Variants in LHX4 observed in about 807,000 individuals in gnomAD.
The protein encoded by LHX4 is LIM homeobox 4, also known as LIM/homeobox protein Lhx4.
A neutral mutation model predicts 39.2 loss-of-function variants in LHX4; 16 were observed. The ratio of observed to expected loss-of-function variants is 0.41; its 90% CI spans 0.28 to 0.62. LHX4 has a LOEUF of 0.62. Ranked by LOEUF, LHX4 falls within the 20% of genes least tolerant of loss-of-function variation. The pLI, the probability that LHX4 is intolerant of heterozygous loss-of-function variation, is 0.33. For missense variants in LHX4, 439 were observed against 511.9 expected, an observed-to-expected ratio of 0.86 and a Z score of 1.37; for synonymous variants, 206 against 198.1, an observed-to-expected ratio of 1.04 and a Z score of -0.33.
At chr1:180,248,492 G>A (rs1228106682) in intron 2 of LHX4, 36 bp downstream of exon 2, 1 of 1,610,464 alleles carries the variant, frequency 6.2e-7, no homozygotes, top group Non-Finnish European at 8.5e-7. Flanking sequence ...GCCCTGGCCT[G>A]TCTCTGCCTC....
At chr1:180,249,854 T>C (rs1190082958) in intron 2 of LHX4, among the ~76,000 whole-genome samples, 1 of 150,400 alleles carries the variant, frequency 6.6e-6, no homozygotes, top group Non-Finnish European at 1.5e-5. Context: ...TGCTCAGATA[T>C]GTGCTGCTCC....
At position 180,266,692 on chromosome 1, in the gene LHX4, C is replaced by A; in HGVS notation, c.451+98C>A. The A allele has an allele frequency of 6.9e-6, 8 of 1,161,280 alleles. No homozygotes were observed. The highest frequency in any genetic ancestry group is 8.8e-6 in the Non-Finnish European group (7 of 797,226). 71.9% of individuals were successfully genotyped at this position (1,161,280 alleles called of 1,614,324 possible). ...TTCTCATGGCGTCCCACCTGCCCAT[C>A]CCTCAGAGCCCTACTCATGCACCGC... On this transcript the variant is annotated intron_variant, in intron 3 of 5. Transcript: ENST00000263726. This position sits in a 1 kb window ranked among gnomAD's most constrained non-coding sequence, Gnocchi z 5.7.
At chr1:180,231,606 T>C (rs1664183736) in intron 1 of LHX4, among the ~76,000 whole-genome samples, 1 of 142,160 alleles carries the variant, frequency 7.0e-6, no homozygotes, top group Non-Finnish European at 1.5e-5. Flanking sequence ...CCTGCCCCTG[T>C]GGCTTGCACG....
chr1:180,276,573 G>T lies in LHX4; in HGVS notation c.*1994G>T, dbSNP rs1457634428. The T allele has an allele frequency of 6.6e-6, 1 of 152,210 alleles. No individual in the cohort carries two copies. Among genetic ancestry groups the T allele is most frequent in the African/African-American group, 2.4e-5 (1 of 41,448 alleles). 9.4% of individuals were successfully genotyped at this position (152,210 alleles called of 1,614,324 possible). On this transcript the variant is annotated 3_prime_UTR_variant, in exon 6 of 6. Coordinates refer to ENST00000263726, the MANE Select transcript of LHX4 (RefSeq NM_033343.4). ...GGAATTCTCCAATCATGAACACTGGGGTGGGGAGGAAGACACAAATGCCAT... is the reference window on the plus strand; with the variant it reads ...GGAATTCTCCAATCATGAACACTGGTGTGGGGAGGAAGACACAAATGCCAT...
At chr1:180,273,862 C>T in intron 5 of LHX4, 1 of 372,282 alleles carries the variant, frequency 2.7e-6, no homozygotes. Flanking sequence ...TCTGACCCAC[C>T]CAGCCTTAGG....
intron 3 of LHX4, among the ~76,000 whole-genome samples, chr1:180,268,128 G>C (rs1648407281): frequency 6.6e-6 from 1 of 152,202 alleles, no homozygotes; most frequent in Non-Finnish European, 1.5e-5. Flanking sequence ...CTATTGCCTT[G>C]AAGTCAATTG....
At chr1:180,259,782 GGGAA>G (rs1301738768) in intron 2 of LHX4, among the ~76,000 whole-genome samples, 2 of 151,686 alleles carry the variant, frequency 1.3e-5, no homozygotes. Context: ...TAAGGAAGGA[GGGAA>G]GCGAGGGACA....
chr1:180,242,717 A>C (rs1664470421), intron 1 of LHX4, among the ~76,000 whole-genome samples: 1 of 152,112 alleles, frequency 6.6e-6, no homozygotes, highest in Admixed American at 6.5e-5. Context: ...CAGGGACATT[A>C]CTTTTTTGTT....
At chr1:180,255,115 C>G (rs1571271183) in intron 2 of LHX4, among the ~76,000 whole-genome samples, 2 of 152,256 alleles carry the variant, frequency 1.3e-5, no homozygotes, top group African/African-American at 4.8e-5. Context: ...TCGCTCGCAT[C>G]AAAGAGCGGG....
chr1:180,264,395 AC>A (rs1648230228), intron 2 of LHX4, among the ~76,000 whole-genome samples: 1 of 151,596 alleles, frequency 6.6e-6, no homozygotes, highest in African/African-American at 2.4e-5. Context: ...ACACACACAC[AC>A]ACACACACAC....
chr1:180,240,895 G>A (rs1390801102), intron 1 of LHX4, among the ~76,000 whole-genome samples: 1 of 152,234 alleles, frequency 6.6e-6, no homozygotes, highest in African/African-American at 2.4e-5. Context: ...GGTGCTTTGA[G>A]GGCTGGCTAT....
intron 2 of LHX4, among the ~76,000 whole-genome samples, chr1:180,251,075 G>A (rs550141184): frequency 1.8e-4 from 28 of 152,220 alleles, no homozygotes; most frequent in African/African-American, 6.5e-4. Context: ...CTTCCCACCC[G>A]GTGAGTCTTC....
At chr1:180,229,964 AG>A (rs370353766), upstream of LHX4, among the ~76,000 whole-genome samples, 39,935 of 74,792 alleles carry the variant, frequency 0.53, 10,258 homozygotes, top group Middle Eastern at 0.68. Flanking sequence ...GGAGGCGGGG[AG>A]GGGGGGGGGG....
In LHX4 at chr1:180,266,627, C is replaced by CA. The variant is rs975009683; in HGVS notation, c.451+34dup. On this transcript the variant is annotated intron_variant, in intron 3 of 5. Transcript: ENST00000263726. The surrounding 1 kb of genome is among the most constrained non-coding windows in gnomAD (Gnocchi z 5.7). ...GCATGGCCCCGCATGGTCCCCTCTC[C>CA]AGGCCTTTGTTTGGGCCACGCCCTC... 2.5e-6 allele frequency: 4 copies of CA among 1,604,956 alleles called. No homozygotes were observed. The Admixed American group carries it at 5.1e-5, about 20-fold the overall frequency.
intron 3 of LHX4, 108 bp from the exon 4 acceptor site, chr1:180,271,272 C>A (rs1266870066): frequency 3.1e-6 from 4 of 1,279,178 alleles, no homozygotes; most frequent in Non-Finnish European, 4.6e-6. Flanking sequence ...CGCTGTCCTG[C>A]CTACAGCAGG....
chr1:180,263,388 C>A (rs1284960590), intron 2 of LHX4, among the ~76,000 whole-genome samples: 1 of 152,142 alleles, frequency 6.6e-6, no homozygotes, highest in African/African-American at 2.4e-5. Flanking sequence ...ACAGACACAC[C>A]CCTGTAGGAT....
At chr1:180,255,337 TGCACACATGC>T (rs1288787147) in intron 2 of LHX4, among the ~76,000 whole-genome samples, 3 of 152,080 alleles carry the variant, frequency 2.0e-5, no homozygotes, top group African/African-American at 4.8e-5. Flanking sequence ...CACACACACA[TGCACACATGC>T]ACACACATGT....
At chr1:180,270,887 GC>G in intron 3 of LHX4, 1 of 208,934 alleles carries the variant, frequency 4.8e-6, no homozygotes, top group Non-Finnish European at 1.0e-5. Flanking sequence ...CTCACCCCTG[GC>G]TGTGAGCCCA....
At position 180,278,789 on chromosome 1, in the gene LHX4, A is replaced by AGTT. The variant is rs1210435644; in HGVS notation, c.*4211_*4213dup. On this transcript the variant is annotated 3_prime_UTR_variant, in exon 6 of 6. Transcript: ENST00000263726. The stretch of plus-strand genomic sequence containing the variant: ...ATCCTTCACAATGTAAATTTTGTAC[A>AGTT]GTTAAAGAGAAATGAAGTCTCGTTT... The AGTT allele has an allele frequency of 1.3e-5, 2 of 151,746 alleles. No homozygotes were observed. Among genetic ancestry groups the AGTT allele is most frequent in the East Asian group, 1.9e-4 (1 of 5,172 alleles). 9.4% of individuals were successfully genotyped at this position (151,746 alleles called of 1,614,324 possible).
Sources: allele counts gnomAD v4.1 joint callset (sites outside exome capture counted in the v4.1 genomes callset), GRCh38; gene constraint gnomAD v4.1.1; non-coding constraint Gnocchi (gnomAD v3.1); transcripts MANE v1.5; gene names NCBI Gene and HGNC (gene_info 2026-07-23, HGNC 2026-07-21).